RFX4: variants seen among roughly 807,000 people sequenced by gnomAD.
The protein encoded by RFX4 is regulatory factor X4, also known as transcription factor RFX4.
RFX4 carries 10 observed loss-of-function variants against 95.0 expected under a neutral mutation model. The observed-to-expected ratio is 0.11, with a 90% CI of 0.06 to 0.18. The LOEUF (loss-of-function observed/expected upper bound fraction) is 0.18, where lower values mean the gene tolerates loss of function less well. Ranked by LOEUF, RFX4 falls within the 10% of genes least tolerant of loss-of-function variation. RFX4 has a pLI of 1.00. For missense variants in RFX4, 640 were observed against 922.0 expected (o/e 0.69, Z 3.96); for synonymous variants, 321 against 340.7 (o/e 0.94, Z 0.64).
At chr12:106,640,778 C>CTTTTT (rs34232717) in intron 3 of RFX4, among the ~76,000 whole-genome samples, 2 of 123,608 alleles carry the variant, frequency 1.6e-5, no homozygotes, top group Non-Finnish European at 1.7e-5. Flanking sequence ...AATTGACAGA[C>CTTTTT]TTTTTTTTTT....
At chr12:106,610,922 C>T (rs1219261424) in intron 2 of RFX4, among the ~76,000 whole-genome samples, 2 of 152,064 alleles carry the variant, frequency 1.3e-5, no homozygotes, top group African/African-American at 4.8e-5. Context: ...CGTCATTTTA[C>T]ATTCCCACTA....
At chr12:106,665,815 AAC>A (rs1491487910) in intron 4 of RFX4, among the ~76,000 whole-genome samples, 8 of 144,690 alleles carry the variant, frequency 5.5e-5, no homozygotes, top group South Asian at 2.3e-4. Flanking sequence ...TGTAAAAAAA[AAC>A]ATGCACACAT....
In RFX4 at chr12:106,702,370, C is replaced by T. The variant is rs116033624; in HGVS notation, c.833+5924C>T. Among the ~76,000 whole-genome samples the T allele has an allele frequency of 7.9e-3, 1,204 of 152,234 alleles. 14 individuals are homozygous for T. Among genetic ancestry groups the T allele is most frequent in the African/African-American group, 0.027 (1,122 of 41,526 alleles). On this transcript the variant is annotated intron_variant, in intron 8 of 17. Transcript: ENST00000392842. ...AGGCAGTCTATTCGGGAGTTCATTGCATTTGGGTTTTGTTGTTCCTATGAT... is the reference window on the plus strand; with the variant it reads ...AGGCAGTCTATTCGGGAGTTCATTGTATTTGGGTTTTGTTGTTCCTATGAT...
intron 6 of RFX4, among the ~76,000 whole-genome samples, chr12:106,688,571 T>C (rs2041714730): frequency 6.6e-6 from 1 of 152,156 alleles, no homozygotes; most frequent in Non-Finnish European, 1.5e-5. Flanking sequence ...CATGTCTATG[T>C]TCTAAAATGA....
chr12:106,683,651 G>A (rs2041578516), intron 5 of RFX4: 1 of 151,970 alleles, frequency 6.6e-6, no homozygotes, highest in African/African-American at 2.4e-5. Context: ...AAGAGTGGAT[G>A]GATAGAACGA....
intron 2 of RFX4, among the ~76,000 whole-genome samples, chr12:106,627,920 C>A (rs142729863): frequency 1.3e-5 from 2 of 152,176 alleles, no homozygotes; most frequent in Admixed American, 6.5e-5. Flanking sequence ...AGAGCTAGGG[C>A]AACACTGAGA....
intron 15 of RFX4, among the ~76,000 whole-genome samples, chr12:106,745,567 A>G (rs1000189025): frequency 5.3e-5 from 8 of 152,130 alleles, no homozygotes; most frequent in Admixed American, 3.9e-4. Flanking sequence ...GCTTCCTCCC[A>G]CTACTCCATA....
intron 2 of RFX4, among the ~76,000 whole-genome samples, chr12:106,629,894 G>A (rs559794494): frequency 4.9e-4 from 75 of 152,260 alleles, no homozygotes; most frequent in African/African-American, 1.7e-3. Context: ...GGCACGGTTC[G>A]CTCTCCCCCT....
intron 17 of RFX4, among the ~76,000 whole-genome samples, chr12:106,757,002 G>A (rs1043922832): frequency 1.3e-5 from 2 of 152,048 alleles, no homozygotes; most frequent in Non-Finnish European, 1.5e-5. Context: ...TTCTTACTCT[G>A]GTACTAAGTT....
In RFX4 at chr12:106,636,475, A is replaced by G. The variant is rs549293530; in HGVS notation, c.131-2857A>G. On this transcript the variant is annotated intron_variant, in intron 2 of 17. Coordinates refer to ENST00000392842, the MANE Select transcript of RFX4 (RefSeq NM_213594.3). ...GCAGCTAACAGGCAAATAATGTGTTATAGAAGCACAGAGTTAGGATCAATG... is the reference window on the plus strand; with the variant it reads ...GCAGCTAACAGGCAAATAATGTGTTGTAGAAGCACAGAGTTAGGATCAATG... Among the ~76,000 whole-genome samples, 19 of 152,226 alleles carry G rather than the reference A, an allele frequency of 1.2e-4. No individual in the cohort carries two copies. In the East Asian group the frequency reaches 3.5e-3, roughly 28 times the overall value.
intron 8 of RFX4, among the ~76,000 whole-genome samples, chr12:106,702,742 C>T (rs185987073): frequency 2.2e-4 from 33 of 152,206 alleles, no homozygotes; most frequent in African/African-American, 8.0e-4. Flanking sequence ...ATCTTTCCCC[C>T]ACCTACAACG....
chr12:106,597,852 C>A (rs910123031), intron 1 of RFX4, among the ~76,000 whole-genome samples: 3 of 151,954 alleles, frequency 2.0e-5, no homozygotes, highest in African/African-American at 7.3e-5. Flanking sequence ...AGAGCAAGAT[C>A]CCATCTCTAA....
intron 4 of RFX4, among the ~76,000 whole-genome samples, chr12:106,655,380 T>C (rs957603290): frequency 3.3e-5 from 5 of 152,234 alleles, no homozygotes; most frequent in Non-Finnish European, 5.9e-5. Context: ...AAACTACCTT[T>C]GGCTATTTCT....
chr12:106,650,018 A>T (rs1477727781), intron 3 of RFX4, among the ~76,000 whole-genome samples: 2 of 152,136 alleles, frequency 1.3e-5, no homozygotes, highest in East Asian at 3.9e-4. Context: ...TCATTCATTC[A>T]ACAAGTCCTA....
chr12:106,662,649 T>C (rs567179624), intron 4 of RFX4, among the ~76,000 whole-genome samples: 3 of 152,304 alleles, frequency 2.0e-5, no homozygotes, highest in Non-Finnish European at 4.4e-5. Flanking sequence ...CCCAAGGTCA[T>C]CTAAGTTTCC....
intron 4 of RFX4, among the ~76,000 whole-genome samples, chr12:106,658,689 G>A (rs1371614521): frequency 6.6e-6 from 1 of 152,116 alleles, no homozygotes; most frequent in Non-Finnish European, 1.5e-5. Context: ...AGCTATAAGT[G>A]CCTTCTGCTA....
Position 106,732,248 on chromosome 12 carries a change from T to A in RFX4, c.1470T>A (p.Thr490=). Residue 490 remains threonine, a splice_region_variant and synonymous_variant, in exon 14 of 18, where the codon ACT becomes ACA. Transcript: ENST00000392842. ...LMRAMKGEGS[T]AEVREEIILT... ...GAGCCATGAAGGGAGAAGGAAGCAC[T>A]GGTAAGCCAGCATTTTCCTGGGAAT... 2 of 1,613,848 alleles carry A rather than the reference T, an allele frequency of 1.2e-6. No homozygotes were observed. The highest frequency in any genetic ancestry group is 1.7e-6 in the Non-Finnish European group (2 of 1,179,816).
chr12:106,613,767 G>A (rs1023599462), intron 2 of RFX4, among the ~76,000 whole-genome samples: 4 of 152,134 alleles, frequency 2.6e-5, no homozygotes, highest in African/African-American at 9.7e-5. Context: ...GAATAAATTC[G>A]AATATGTTCC....
rs551601758 is a variant in RFX4, at chr12:106,600,252, G to A, written c.44-8545G>A. Among the ~76,000 whole-genome samples the A allele has an allele frequency of 8.5e-5, 13 of 152,228 alleles. No individual in the cohort carries two copies. The South Asian group carries it at 2.1e-3, about 24-fold the overall frequency. ...TTCTTCTGCCTGCTTCAAGAACTTC[G>A]CACATGCTGTTCCTTCTGCCAGGAA... is the stretch of plus-strand genomic sequence containing the variant. On this transcript the variant is annotated intron_variant, in intron 1 of 17. Transcript: ENST00000392842.
Sources: gnomAD v4.1 joint callset for allele counts (sites outside exome capture counted in the v4.1 genomes callset) on GRCh38, gnomAD v4.1.1 for gene constraint, MANE v1.5 for transcripts, NCBI Gene and HGNC (gene_info 2026-07-23, HGNC 2026-07-21) for gene names.